CHAF1B: variants seen among roughly 807,000 people sequenced by gnomAD.
CHAF1B encodes CAF-1 subunit B.
Under a neutral mutation model 60.7 loss-of-function variants are expected in CHAF1B, and 10 were observed. The ratio of observed to expected loss-of-function variants is 0.16; its 90% CI spans 0.10 to 0.28. CHAF1B has a LOEUF of 0.28. Ranked by LOEUF, CHAF1B falls within the 10% of genes least tolerant of loss-of-function variation. The pLI, the probability that CHAF1B is intolerant of heterozygous loss-of-function variation, is 1.00. For missense variants in CHAF1B, 558 were observed against 708.4 expected (o/e 0.79, Z 2.41); for synonymous variants, 261 against 266.1 (o/e 0.98, Z 0.19).
intron 7 of CHAF1B, among the ~76,000 whole-genome samples, chr21:36,402,387 C>G (rs1021696562): frequency 1.3e-5 from 2 of 152,232 alleles, no homozygotes; most frequent in African/African-American, 4.8e-5. Flanking sequence ...CATCTTCCCA[C>G]TGTCTGCCAG....
intron 8 of CHAF1B, among the ~76,000 whole-genome samples, chr21:36,403,207 C>T (rs1225666970): frequency 6.6e-6 from 1 of 151,944 alleles, no homozygotes; most frequent in Non-Finnish European, 1.5e-5. Flanking sequence ...CCTGTAATCC[C>T]AGCACTTTGG....
rs781508485 is a variant in CHAF1B, at chr21:36,409,484, G to A, written c.919+19G>A. On this transcript the variant is annotated intron_variant, in intron 10 of 13. Coordinates refer to ENST00000314103, the MANE Select transcript of CHAF1B (RefSeq NM_005441.3). ...GAAACAGGTATCCTCAGAGCCTCAG[G>A]GGTGTGTTATGTTTTCTCTCCGAAA... 7.6e-6 allele frequency: 12 copies of A among 1,588,310 alleles called. No individual in the cohort carries two copies. In the South Asian group the frequency reaches 1.2e-4, roughly 16 times the overall value.
intron 8 of CHAF1B, among the ~76,000 whole-genome samples, chr21:36,403,849 G>C (rs1435536256): frequency 6.6e-6 from 1 of 152,202 alleles, no homozygotes; most frequent in African/African-American, 2.4e-5. Flanking sequence ...ATAGCCCAGG[G>C]TTGGGCCAAA....
chr21:36,391,345 A>T (rs993106727), intron 3 of CHAF1B, among the ~76,000 whole-genome samples: 1 of 151,280 alleles, frequency 6.6e-6, no homozygotes, highest in South Asian at 2.1e-4. Context: ...CATGCAGCTA[A>T]TTTTTTTGTA....
Position 36,413,013 on chromosome 21 carries a change from A to T in CHAF1B, c.1191A>T (p.Thr397=). 1 of 1,614,200 alleles carries T rather than the reference A, an allele frequency of 6.2e-7. No homozygotes were observed. The highest frequency in any genetic ancestry group is 2.2e-5 in the East Asian group (1 of 44,890). ...TTTTGAACATGAGAACTCCTGATAC[A>T]GCAAAGAAAACCAAGAGTCAGACAC... is the stretch of plus-strand genomic sequence containing the variant. ...KPVLNMRTPD[T]AKKTKSQTHR... The change falls in exon 12 of 14, where the codon ACA becomes ACT. Residue 397 remains threonine (T), a synonymous_variant. Coordinates refer to ENST00000314103, the MANE Select transcript of CHAF1B (RefSeq NM_005441.3).
At chr21:36,415,926 T>A (rs2086315751) in intron 13 of CHAF1B, 1 of 320,606 alleles carries the variant, frequency 3.1e-6, no homozygotes, top group Non-Finnish European at 6.1e-6. Context: ...GTAATTTTTG[T>A]ATTTTTAGTA....
At chr21:36,387,219 G>GTTTTTTTTTTTTTTTTTTTTTTTTTTTTT (rs1471540790) in intron 2 of CHAF1B, among the ~76,000 whole-genome samples, 1 of 141,316 alleles carries the variant, frequency 7.1e-6, no homozygotes, top group Non-Finnish European at 1.5e-5. Context: ...AATAAGCATA[G>GTTTTTTTTTTTTTTTTTTTTTTTTTTTTT]TTTTGTTTTT....
rs73902504 is a variant in CHAF1B, at chr21:36,397,554, A to C, written c.578+43A>C. On this transcript the variant is annotated intron_variant, in intron 6 of 13. Transcript: ENST00000314103. ...ATTTACTTGGAATTTCTTTGTATTT[A>C]CTTGGAATTTTCTGAAGAGAGGTAT... 8 of 1,120,066 alleles carry C rather than the reference A, an allele frequency of 7.1e-6. No homozygotes were observed. In the South Asian group the frequency reaches 1.3e-4, roughly 18 times the overall value. The allele number at this position is 1,120,066 out of a possible 1,614,324, so 69.4% of individuals were successfully genotyped here. A position where few individuals can be genotyped will look rare whatever the true frequency, so the allele number is the denominator to read the frequency against.
At chr21:36,408,243 G>A (rs553010808) in intron 8 of CHAF1B, among the ~76,000 whole-genome samples, 3 of 152,184 alleles carry the variant, frequency 2.0e-5, no homozygotes, top group Non-Finnish European at 2.9e-5. Context: ...CTGTTCCCCA[G>A]AGTGAAGTCA....
intron 10 of CHAF1B, among the ~76,000 whole-genome samples, chr21:36,410,230 T>C (rs1296084315): frequency 6.6e-6 from 1 of 152,208 alleles, no homozygotes; most frequent in African/African-American, 2.4e-5. Flanking sequence ...CCCAAAGTAC[T>C]GGGATTATAG....
intron 2 of CHAF1B, among the ~76,000 whole-genome samples, chr21:36,387,228 T>TTG (rs1229785275): frequency 1.3e-5 from 2 of 150,842 alleles, no homozygotes; most frequent in East Asian, 3.9e-4. Context: ...AGTTTTGTTT[T>TTG]TTTTTTTTTT....
chr21:36,389,220 A>T (rs2086062152), intron 3 of CHAF1B: 1 of 152,768 alleles, frequency 6.5e-6, no homozygotes, highest in East Asian at 1.9e-4. Flanking sequence ...TCATTAATGA[A>T]TGGCCTTGTG....
intron 6 of CHAF1B, chr21:36,397,805 G>A: frequency 5.9e-6 from 1 of 168,668 alleles, no homozygotes; most frequent in Non-Finnish European, 1.2e-5. Flanking sequence ...TCAGCTCACT[G>A]CAACCTCTGC....
chr21:36,415,274 CTTTT>C lies in CHAF1B; in HGVS notation c.1494-12_1494-9del. The C allele has an allele frequency of 8.2e-7, 1 of 1,216,928 alleles. No homozygotes were observed. The highest frequency in any genetic ancestry group is 1.3e-5 in the South Asian group (1 of 74,702). The allele number at this position is 1,216,928 out of a possible 1,614,324, so 75.4% of individuals were successfully genotyped here. A position where few individuals can be genotyped will look rare whatever the true frequency, so the allele number is the denominator to read the frequency against. On this transcript the variant is annotated splice_polypyrimidine_tract_variant and intron_variant, in intron 12 of 13. Transcript: ENST00000314103. ...ATACTAATGAGCCATCACCCCTCTA[CTTTT>C]TTTTTTTTAAATCAAGGAGAATAAA... is the stretch of plus-strand genomic sequence containing the variant.
intron 5 of CHAF1B, 40 bp downstream of exon 5, chr21:36,394,690 C>T (rs373317088): frequency 8.5e-7 from 1 of 1,181,836 alleles, no homozygotes; most frequent in East Asian, 2.4e-5. Flanking sequence ...AAGAAATATT[C>T]TAAGCATCTA....
rs777079304 is a variant in CHAF1B at position 36,396,358 on chromosome 21, C to CAAAAAAA, written c.482-1038_482-1032dup. 7.2e-3 allele frequency among the ~76,000 whole-genome samples: 382 copies of CAAAAAAA among 52,798 alleles called. 3 individuals are homozygous for CAAAAAAA. Among genetic ancestry groups the CAAAAAAA allele is most frequent in the African/African-American group, 0.015 (218 of 14,556 alleles). The allele number at this position is 52,798 out of a possible 152,430, so 34.6% of individuals were successfully genotyped here. A position where few individuals can be genotyped will look rare whatever the true frequency, so the allele number is the denominator to read the frequency against. ...TGTTACTGAACCTCACCAAAAACCT[C>CAAAAAAA]AAAAAAAAAAAAAAAAAAAAAAAAA... On this transcript the variant is annotated intron_variant, in intron 5 of 13. Coordinates refer to ENST00000314103, the MANE Select transcript of CHAF1B (RefSeq NM_005441.3).
chr21:36,411,393 C>T (rs554362524), intron 10 of CHAF1B, 70 bp from the exon 11 acceptor site: 14 of 1,582,362 alleles, frequency 8.8e-6, no homozygotes, highest in Middle Eastern at 2.3e-4. Flanking sequence ...GGATTCTAGG[C>T]GTGAGCCATT....
intron 8 of CHAF1B, 92 bp from the exon 9 acceptor site, chr21:36,408,669 A>G: frequency 2.4e-6 from 2 of 848,096 alleles, no homozygotes; most frequent in Non-Finnish European, 4.0e-6. Flanking sequence ...GTATTTTGCA[A>G]ACCGGACCTG....
chr21:36,411,518 T>G lies in CHAF1B; in HGVS notation c.975T>G (p.Asp325Glu). 6.2e-7 allele frequency: 1 copy of G among 1,614,118 alleles called. No individual in the cohort carries two copies. Among genetic ancestry groups the G allele is most frequent in the African/African-American group, 1.3e-5 (1 of 75,040 alleles). Reference sequence around the variant, plus strand: ...TGGTGTTTGCTGTGGCCTCGGAGGATTCCGTGCTTCTGTATGACACCCAGC... The same window carrying G: ...TGGTGTTTGCTGTGGCCTCGGAGGAGTCCGTGCTTCTGTATGACACCCAGC... ...YRLVFAVASEDSVLLYDTQQS... is the reference protein window; with the variant it reads ...YRLVFAVASEESVLLYDTQQS... The change falls in exon 11 of 14, where the codon GAT (aspartate) becomes GAG (glutamate). Residue 325 changes from aspartate (D) to glutamate (E), a missense_variant. By Grantham distance (45) the Asp-to-Glu change is conservative. Around this residue, in one of 2 missense-constraint regions of CHAF1B, gnomAD observed 325 missense variants for 493.5 expected, o/e 0.66. Transcript: ENST00000314103.
Sources: gnomAD v4.1 joint callset for allele counts (sites outside exome capture counted in the v4.1 genomes callset) on GRCh38, gnomAD v4.1.1 for gene constraint, gnomAD v4.1.1 regional missense constraint, MANE v1.5 for transcripts, NCBI Gene and HGNC (gene_info 2026-07-23, HGNC 2026-07-21) for gene names.